Variants in BCL11A observed in about 807,000 individuals in gnomAD.
The protein encoded by BCL11A is BCL11 transcription factor A, also known as B cell CLL/lymphoma 11A.
In BCL11A, 2 loss-of-function variants were observed where a neutral mutation model predicts 55.9. That is an observed-to-expected ratio of 0.04 (90% CI 0.01 to 0.11). The LOEUF is 0.11. BCL11A is among the 10% of genes least tolerant of loss of function. The pLI is 1.00. For missense variants in BCL11A, 817 were observed against 1,137.1 expected (o/e 0.72, Z 4.05); for synonymous variants, 465 against 473.4 (o/e 0.98, Z 0.23).
At chr2:60,508,849 T>C (rs763657250) in intron 2 of BCL11A, 8 of 152,282 alleles carry the variant, frequency 5.3e-5, no homozygotes, top group Non-Finnish European at 1.0e-4. Flanking sequence ...GAGTTTGTTC[T>C]ACATGTGGCA....
chr2:60,520,307 C>T (rs780791676), intron 2 of BCL11A, among the ~76,000 whole-genome samples: 2 of 151,966 alleles, frequency 1.3e-5, no homozygotes, highest in Non-Finnish European at 1.5e-5. Flanking sequence ...TTTGAGGAAA[C>T]ATTTCACTTT....
At chr2:60,475,672 G>T (rs778735879) in intron 2 of BCL11A, among the ~76,000 whole-genome samples, 3 of 152,066 alleles carry the variant, frequency 2.0e-5, no homozygotes, top group Non-Finnish European at 4.4e-5. Flanking sequence ...GAGGATAGGG[G>T]TGCCCTTACT....
At chr2:60,491,941 C>A (rs570956165) in intron 2 of BCL11A, among the ~76,000 whole-genome samples, 9 of 152,190 alleles carry the variant, frequency 5.9e-5, no homozygotes, top group Non-Finnish European at 1.3e-4. Flanking sequence ...TGCATTTACG[C>A]TAAATACCTT....
intron 2 of BCL11A, among the ~76,000 whole-genome samples, chr2:60,490,016 C>T (rs927852491): frequency 1.3e-5 from 2 of 152,152 alleles, no homozygotes; most frequent in South Asian, 2.1e-4. Context: ...TGATTCTGAA[C>T]GTCATTCCTG....
At chr2:60,542,011 T>C in intron 2 of BCL11A, 1 of 658,872 alleles carries the variant, frequency 1.5e-6, no homozygotes, top group Admixed American at 2.7e-5. Context: ...GATTTACTTT[T>C]AAGAGCATGC....
Position 60,459,849 on chromosome 2 carries a change from T to G in BCL11A, c.*555A>C, listed in dbSNP as rs540452802. On this transcript the variant is annotated 3_prime_UTR_variant, in exon 4 of 4. Coordinates refer to ENST00000642384, the MANE Select transcript of BCL11A (RefSeq NM_022893.4). ...GCTATCTATTCTGTCTATAGAGGGT[T>G]AATCCAAAGACTGTTTTTCCTCCTC... 2.9e-6 allele frequency: 3 copies of G among 1,045,848 alleles called. No individual in the cohort carries two copies. Among genetic ancestry groups the G allele is most frequent in the Non-Finnish European group, 3.5e-6 (3 of 866,836 alleles). 64.8% of individuals were successfully genotyped at this position (1,045,848 alleles called of 1,614,324 possible).
intron 2 of BCL11A, chr2:60,484,243 ACAGT>A (rs894443994): frequency 2.0e-5 from 3 of 152,338 alleles, no homozygotes; most frequent in African/African-American, 4.8e-5. Flanking sequence ...AGGTCCGCAC[ACAGT>A]CAGTTTCCCT....
intron 2 of BCL11A, among the ~76,000 whole-genome samples, chr2:60,530,624 TG>T (rs1230865929): frequency 6.6e-6 from 1 of 151,320 alleles, no homozygotes; most frequent in Non-Finnish European, 1.5e-5. Context: ...TTTATTTTTT[TG>T]CCTTTAGCCA....
In BCL11A at chr2:60,461,500, T is replaced by C. The variant is rs779646211; in HGVS notation, c.1412A>G (p.Lys471Arg). 6.2e-7 allele frequency: 1 copy of C among 1,606,258 alleles called. No homozygotes were observed. The highest frequency in any genetic ancestry group is 1.1e-5 in the South Asian group (1 of 91,058). ...SALKSVVAKF[K>R]SENDPNLIPE... Reference sequence around the variant, plus strand: ...GATCAGGTTGGGGTCGTTCTCGCTCTTGAACTTGGCCACCACGGACTTGAG... The same window carrying C: ...GATCAGGTTGGGGTCGTTCTCGCTCCTGAACTTGGCCACCACGGACTTGAG... The change falls in exon 4 of 4, where the codon AAG becomes AGG. Residue 471 changes from lysine (K) to arginine (R), a missense_variant. Lys to Arg is a conservative substitution (Grantham distance 26). This residue lies in a region of BCL11A where 379 missense variants were observed against 425.3 expected (regional missense o/e 0.89). Transcript: ENST00000642384.
At chr2:60,494,385 G>T (rs902818419) in intron 2 of BCL11A, among the ~76,000 whole-genome samples, 2 of 152,200 alleles carry the variant, frequency 1.3e-5, no homozygotes, top group Non-Finnish European at 2.9e-5. Flanking sequence ...CAAGGAGGTT[G>T]TAATAAATTA....
chr2:60,453,261 A>G (rs1356881977), downstream of BCL11A, among the ~76,000 whole-genome samples: 1 of 152,198 alleles, frequency 6.6e-6, no homozygotes, highest in African/African-American at 2.4e-5. Context: ...TCAAACATGC[A>G]GTTTTCTTTT....
intron 2 of BCL11A, among the ~76,000 whole-genome samples, chr2:60,523,148 C>G (rs1319177313): frequency 6.6e-6 from 1 of 152,150 alleles, no homozygotes; most frequent in Admixed American, 6.5e-5. Context: ...GATGCAGAGG[C>G]AGGTCACAGA....
At chr2:60,506,979 C>T (rs1428719421) in intron 2 of BCL11A, among the ~76,000 whole-genome samples, 1 of 152,066 alleles carries the variant, frequency 6.6e-6, no homozygotes, top group Non-Finnish European at 1.5e-5. Flanking sequence ...GAGCTATAAA[C>T]ATGTTGGCGT....
intron 2 of BCL11A, chr2:60,541,748 G>GT: frequency 7.7e-6 from 4 of 521,558 alleles, no homozygotes; most frequent in South Asian, 3.1e-5. Context: ...TGGTAGTGGT[G>GT]TTTTTTTGTT....
intron 2 of BCL11A, among the ~76,000 whole-genome samples, chr2:60,497,545 A>G (rs1679022842): frequency 6.6e-6 from 1 of 152,194 alleles, no homozygotes; most frequent in African/African-American, 2.4e-5. Context: ...GGAATCAGCT[A>G]GAAACTCAAT....
chr2:60,527,194 T>G (rs754910981), intron 2 of BCL11A: 1 of 152,122 alleles, frequency 6.6e-6, no homozygotes, highest in Non-Finnish European at 1.5e-5. Flanking sequence ...CAAAAGGCCA[T>G]CATCAGAGAT....
intron 2 of BCL11A, among the ~76,000 whole-genome samples, chr2:60,539,518 C>G (rs904526998): frequency 2.0e-5 from 3 of 152,110 alleles, no homozygotes; most frequent in African/African-American, 7.2e-5. Flanking sequence ...TGCAGCTGGC[C>G]AGTAAAAAGC....
At chr2:60,539,141 A>G (rs532468615) in intron 2 of BCL11A, among the ~76,000 whole-genome samples, 1 of 152,302 alleles carries the variant, frequency 6.6e-6, no homozygotes, top group Admixed American at 6.5e-5. Context: ...AGTTTATACA[A>G]TTCCCCAGAC....
At chr2:60,499,161 C>A (rs1313619853) in intron 2 of BCL11A, among the ~76,000 whole-genome samples, 1 of 152,214 alleles carries the variant, frequency 6.6e-6, no homozygotes, top group Admixed American at 6.5e-5. Context: ...GGTCTCGGGG[C>A]CCAAGCCAAA....
Sources: allele counts gnomAD v4.1 joint callset (sites outside exome capture counted in the v4.1 genomes callset), GRCh38; gene constraint gnomAD v4.1.1; regional missense constraint gnomAD v4.1.1; transcripts MANE v1.5; gene names NCBI Gene and HGNC (gene_info 2026-07-23, HGNC 2026-07-21).